Variants in BEAN1 observed in about 807,000 individuals in gnomAD.
BEAN1 encodes the protein brain expressed associated with NEDD4 1.
In BEAN1, 17 loss-of-function variants were observed where a neutral mutation model predicts 17.7. The observed-to-expected ratio is 0.96, with a 90% CI of 0.66 to 1.44. BEAN1 has a LOEUF of 1.44. Among genes scored for constraint, BEAN1 ranks in the 40% most tolerant of loss-of-function variants. The pLI, the probability that BEAN1 is intolerant of heterozygous loss-of-function variation, is 0.00. For missense variants in BEAN1, 359 were observed against 374.1 expected (o/e 0.96, Z 0.33); for synonymous variants, 142 against 151.8 (o/e 0.94, Z 0.47).
chr16:66,471,830 C>T lies in BEAN1; in HGVS notation c.289+1965C>T, dbSNP rs924416511. Among the ~76,000 whole-genome samples the T allele has an allele frequency of 4.6e-5, 7 of 152,238 alleles. No homozygotes were observed. The highest frequency in any genetic ancestry group is 8.8e-5 in the Non-Finnish European group (6 of 68,038). On this transcript the variant is annotated intron_variant, in intron 3 of 4. Transcript: ENST00000536005. This position sits in a 1 kb window ranked among gnomAD's most constrained non-coding sequence, Gnocchi z 4.7. Reference sequence around the variant, plus strand: ...AGCCAGAAGCACTCCCAGGCCAGGACGGGCCTGTCCCACCCCTGCATCACC... The same window carrying T: ...AGCCAGAAGCACTCCCAGGCCAGGATGGGCCTGTCCCACCCCTGCATCACC...
At chr16:66,442,811 T>A (rs1962307735) in intron 2 of BEAN1, among the ~76,000 whole-genome samples, 1 of 152,188 alleles carries the variant, frequency 6.6e-6, no homozygotes, top group Non-Finnish European at 1.5e-5. Flanking sequence ...TTTGAAAGTC[T>A]TGTCCTTTTG....
At chr16:66,488,895 G>T (rs188810977) in intron 4 of BEAN1, among the ~76,000 whole-genome samples, 249 of 152,190 alleles carry the variant, frequency 1.6e-3, no homozygotes, top group Admixed American at 2.6e-3. Flanking sequence ...AAATAGGCCA[G>T]GCAAGGTGGC....
At chr16:66,439,833 C>T (rs1391994915) in intron 2 of BEAN1, among the ~76,000 whole-genome samples, 3 of 152,172 alleles carry the variant, frequency 2.0e-5, no homozygotes, top group Admixed American at 2.0e-4. Context: ...TTGACCCAGA[C>T]ATATCTCTGA....
downstream of BEAN1, chr16:66,485,474 T>C (rs1229570343): frequency 6.7e-6 from 2 of 298,886 alleles, no homozygotes; most frequent in African/African-American, 2.2e-5. Context: ...AGGAAGTGAA[T>C]CTTCTGTCCT....
chr16:66,465,205 G>A (rs1414929055), intron 2 of BEAN1, among the ~76,000 whole-genome samples: 1 of 152,070 alleles, frequency 6.6e-6, no homozygotes, highest in Non-Finnish European at 1.5e-5. Flanking sequence ...TTGATTTTTT[G>A]GATGTTAAAC....
chr16:66,480,589 C>G lies in BEAN1; in HGVS notation c.444C>G (p.Tyr148Ter). The G allele has an allele frequency of 1.3e-6, 2 of 1,533,616 alleles. No individual in the cohort carries two copies. The highest frequency in any genetic ancestry group is 1.8e-6 in the Non-Finnish European group (2 of 1,133,904). Residue 148 changes from tyrosine to a stop codon, truncating the protein, a stop_gained, in exon 5 of 5, where the codon TAC becomes TAG. Coordinates refer to ENST00000536005, the MANE Select transcript of BEAN1 (RefSeq NM_001178020.3). LOFTEE classifies it low-confidence loss of function (END_TRUNC). ...RELYPDSPPGYEECVGPGATQ... is the reference protein window; with the variant it reads ...RELYPDSPPG ...GAGGGAGCCTCTTCTCTCGTAGCTA[C>G]GAGGAGTGTGTGGGGCCAGGGGCCA... is the stretch of plus-strand genomic sequence containing the variant.
At chr16:66,450,532 A>G (rs372139146) in intron 2 of BEAN1, among the ~76,000 whole-genome samples, 2 of 152,310 alleles carry the variant, frequency 1.3e-5, no homozygotes, top group South Asian at 2.1e-4. Flanking sequence ...CTTGGGCAAC[A>G]TAGCAAGACC....
chr16:66,443,762 C>T (rs1490341409), intron 2 of BEAN1, among the ~76,000 whole-genome samples: 2 of 152,168 alleles, frequency 1.3e-5, no homozygotes, highest in Admixed American at 6.5e-5. Flanking sequence ...GCAACCTCCA[C>T]CTCCCCAGTT....
rs1006394811 is a variant in BEAN1 at position 66,475,074 on chromosome 16, G to A, written c.290-2486G>A. Reference sequence around the variant, plus strand: ...GAGTGATGTTAAATAATGAACCAAGGTATCGGGGTAAACAGGAGGTTTCAG... The same window carrying A: ...GAGTGATGTTAAATAATGAACCAAGATATCGGGGTAAACAGGAGGTTTCAG... On this transcript the variant is annotated intron_variant, in intron 3 of 4. Coordinates refer to ENST00000536005, the MANE Select transcript of BEAN1 (RefSeq NM_001178020.3). Among the ~76,000 whole-genome samples, 3 of 152,322 alleles carry A rather than the reference G, an allele frequency of 2.0e-5. No homozygotes were observed. In the South Asian group the frequency reaches 6.2e-4, roughly 32 times the overall value.
At position 66,481,009 on chromosome 16, in the gene BEAN1, AG is replaced by A. The variant is rs1963968661; in HGVS notation, c.*85del. The stretch of plus-strand genomic sequence containing the variant: ...CACAAAGGCGTGCACACACACACAG[AG>A]ATGCACACGTGACTCATAACACACA... On this transcript the variant is annotated 3_prime_UTR_variant, in exon 5 of 5. Coordinates refer to ENST00000536005, the MANE Select transcript of BEAN1 (RefSeq NM_001178020.3). The surrounding 1 kb of genome is among the most constrained non-coding windows in gnomAD (Gnocchi z 4.1). 1 of 1,180,994 alleles carries A rather than the reference AG, an allele frequency of 8.5e-7. No homozygotes were observed. Among genetic ancestry groups the A allele is most frequent in the Non-Finnish European group, 1.1e-6 (1 of 869,824 alleles). 73.2% of individuals were successfully genotyped at this position (1,180,994 alleles called of 1,614,324 possible). A position where few individuals can be genotyped will look rare whatever the true frequency, so the allele number is the denominator to read the frequency against.
chr16:66,485,289 C>T, downstream of BEAN1: 1 of 369,778 alleles, frequency 2.7e-6, no homozygotes, highest in Non-Finnish European at 5.4e-6. Flanking sequence ...TTTGCTCAGA[C>T]AGCTTTGGTG....
intron 2 of BEAN1, among the ~76,000 whole-genome samples, chr16:66,460,853 C>T (rs1963055267): frequency 6.6e-6 from 1 of 152,214 alleles, no homozygotes; most frequent in Non-Finnish European, 1.5e-5. Flanking sequence ...GCTGTGTGAC[C>T]TTGGGAAAGT....
chr16:66,442,425 GAGACTAAGTCTGTAGTAA>G (rs1962291760), intron 2 of BEAN1, among the ~76,000 whole-genome samples: 1 of 152,192 alleles, frequency 6.6e-6, no homozygotes, highest in African/African-American at 2.4e-5. Flanking sequence ...GGCCCCAGAA[GAGACTAAGTCTGTAGTAA>G]AGCAGGAAGA....
rs1964023727 is a variant in BEAN1 at position 66,482,736 on chromosome 16, G to C, written c.*1811G>C. On this transcript the variant is annotated 3_prime_UTR_variant, in exon 5 of 5. Transcript: ENST00000536005. ...AAGATGGAGCTGAATAGCTTTTCTTGTTCCTGGACTAGGCAATGAATAAGC... is the reference window on the plus strand; with the variant it reads ...AAGATGGAGCTGAATAGCTTTTCTTCTTCCTGGACTAGGCAATGAATAAGC... 2.6e-6 allele frequency: 1 copy of C among 385,712 alleles called. No homozygotes were observed. Among genetic ancestry groups the C allele is most frequent in the Non-Finnish European group, 5.0e-6 (1 of 198,772 alleles). 23.9% of individuals were successfully genotyped at this position (385,712 alleles called of 1,614,324 possible).
chr16:66,493,992 G>A (rs1964213773), downstream of BEAN1, among the ~76,000 whole-genome samples: 1 of 152,146 alleles, frequency 6.6e-6, no homozygotes, highest in Non-Finnish European at 1.5e-5. Context: ...CATTCTGGAG[G>A]TCTACCCAGG....
At chr16:66,456,576 C>G (rs1259345433) in intron 2 of BEAN1, among the ~76,000 whole-genome samples, 1 of 152,154 alleles carries the variant, frequency 6.6e-6, no homozygotes, top group African/African-American at 2.4e-5. Context: ...CAGGTTGAGT[C>G]CAGTCATTAT....
chr16:66,475,906 T>A (rs1439148582), intron 3 of BEAN1: 1 of 152,038 alleles, frequency 6.6e-6, no homozygotes, highest in African/African-American at 2.4e-5. Context: ...GTCAGGAGAT[T>A]GAGGCCATCC....
At chr16:66,472,226 C>T (rs1048285479) in intron 3 of BEAN1, among the ~76,000 whole-genome samples, 5 of 152,240 alleles carry the variant, frequency 3.3e-5, no homozygotes, top group African/African-American at 1.2e-4. Context: ...TGTACCTCCT[C>T]GGCATTGCAC....
intron 4 of BEAN1, among the ~76,000 whole-genome samples, chr16:66,489,214 T>C (rs1232944672): frequency 6.6e-6 from 1 of 152,120 alleles, no homozygotes; most frequent in Non-Finnish European, 1.5e-5. Flanking sequence ...TAAATACTTC[T>C]TCTTTTAAAC....
Sources: allele counts gnomAD v4.1 joint callset (sites outside exome capture counted in the v4.1 genomes callset), GRCh38; gene constraint gnomAD v4.1.1; non-coding constraint Gnocchi (gnomAD v3.1); transcripts MANE v1.5; gene names NCBI Gene and HGNC (gene_info 2026-07-23, HGNC 2026-07-21).